CHST9: variants seen among roughly 807,000 people sequenced by gnomAD.
CHST9 encodes the protein GalNAc-4-sulfotransferase 2.
Under a neutral mutation model 44.4 loss-of-function variants are expected in CHST9, and 41 were observed. The observed-to-expected ratio is 0.92, with a 90% CI of 0.72 to 1.20. The LOEUF (loss-of-function observed/expected upper bound fraction) is 1.20. Ranked by LOEUF, CHST9 falls within the 50% of genes most tolerant of loss-of-function variation. CHST9 has a pLI of 0.00. For missense variants in CHST9, 504 were observed against 516.5 expected (o/e 0.98, Z 0.23); for synonymous variants, 171 against 178.4 (o/e 0.96, Z 0.33).
At chr18:27,155,296 T>C (rs754125133) in intron 1 of CHST9, among the ~76,000 whole-genome samples, 43 of 152,148 alleles carry the variant, frequency 2.8e-4, no homozygotes, top group Non-Finnish European at 5.7e-4. Flanking sequence ...GACAGCTACA[T>C]TGTAGGTAAT....
intron 2 of CHST9, among the ~76,000 whole-genome samples, chr18:27,105,824 T>C (rs1171424401): frequency 7.5e-6 from 1 of 133,004 alleles, no homozygotes; most frequent in Non-Finnish European, 1.7e-5. Flanking sequence ...ATCTGTTTTT[T>C]TAAAATTTAA....
At chr18:27,180,836 G>T (rs532906522) in intron 1 of CHST9, among the ~76,000 whole-genome samples, 1 of 151,986 alleles carries the variant, frequency 6.6e-6, no homozygotes, top group East Asian at 1.9e-4. Flanking sequence ...AAGAAGAAAC[G>T]GATTCCTTTA....
chr18:26,985,805 C>T (rs988603619), intron 4 of CHST9, among the ~76,000 whole-genome samples: 2 of 152,138 alleles, frequency 1.3e-5, no homozygotes, highest in African/African-American at 4.8e-5. Context: ...AGTGCCTATT[C>T]CTACCAAATA....
chr18:26,983,626 C>G (rs546598358), intron 4 of CHST9, among the ~76,000 whole-genome samples: 2 of 152,124 alleles, frequency 1.3e-5, no homozygotes, highest in Admixed American at 1.3e-4. Context: ...TCAAGTATTT[C>G]TTTATAGCAA....
In CHST9 at chr18:26,914,685, G is replaced by A. The variant is rs1344893814; in HGVS notation, c.*1574C>T. ...ATGGGACACGGCAGGTGTGTGTAAGGAGCGAAGCAATTCATGAATACTCAG... is the reference window on the plus strand; with the variant it reads ...ATGGGACACGGCAGGTGTGTGTAAGAAGCGAAGCAATTCATGAATACTCAG... On this transcript the variant is annotated 3_prime_UTR_variant, in exon 6 of 6. Transcript: ENST00000618847. The A allele has an allele frequency of 1.7e-5, 6 of 362,060 alleles. No individual in the cohort carries two copies. Among genetic ancestry groups the A allele is most frequent in the African/African-American group, 1.0e-4 (5 of 47,872 alleles). The allele number at this position is 362,060 out of a possible 1,614,324, so 22.4% of individuals were successfully genotyped here.
intron 4 of CHST9, among the ~76,000 whole-genome samples, chr18:26,998,172 T>C (rs544606787): frequency 3.0e-4 from 45 of 152,286 alleles, no homozygotes; most frequent in African/African-American, 1.0e-3. Context: ...ACAGTCTGAC[T>C]TAGCTCTCTC....
chr18:27,122,932 T>C (rs1008663663), intron 2 of CHST9, among the ~76,000 whole-genome samples: 1 of 152,170 alleles, frequency 6.6e-6, no homozygotes, highest in Non-Finnish European at 1.5e-5. Flanking sequence ...ACAACTCCTA[T>C]TATAACTTCC....
At chr18:27,022,451 T>C (rs1384601134) in intron 4 of CHST9, among the ~76,000 whole-genome samples, 1 of 151,962 alleles carries the variant, frequency 6.6e-6, no homozygotes, top group African/African-American at 2.4e-5. Context: ...TTCAACTCTT[T>C]ATGCAAAAGA....
intron 4 of CHST9, among the ~76,000 whole-genome samples, chr18:26,963,940 T>C (rs767343051): frequency 6.6e-6 from 1 of 152,200 alleles, no homozygotes; most frequent in Non-Finnish European, 1.5e-5. Flanking sequence ...GCATTATCTC[T>C]TTCACTTAAC....
intron 1 of CHST9, among the ~76,000 whole-genome samples, chr18:27,170,112 A>G (rs1341791331): frequency 1.3e-5 from 2 of 152,216 alleles, no homozygotes; most frequent in African/African-American, 2.4e-5. Context: ...TGAGAGGAGA[A>G]CACAGAGGGT....
At chr18:27,098,810 G>A (rs11083191) in intron 2 of CHST9, among the ~76,000 whole-genome samples, 51,187 of 150,334 alleles carry the variant, frequency 0.34, 9,104 homozygotes, top group East Asian at 0.49. Context: ...ACTACCAATG[G>A]CATTTTTCAC....
Position 27,053,261 on chromosome 18 carries a change from GGAGA to G in CHST9, c.122-4762_122-4759del, listed in dbSNP as rs1568151177. ...AGAAGAAGAAGAAGAAGAAGAAGAA[GGAGA>G]AGGAGAAGGAGAAGGAGAAGGAGAA... On this transcript the variant is annotated intron_variant, in intron 2 of 5. Coordinates refer to ENST00000618847, the MANE Select transcript of CHST9 (RefSeq NM_031422.6). Among the ~76,000 whole-genome samples the G allele has an allele frequency of 1.3e-3, 78 of 59,820 alleles. 3 individuals are homozygous for G. Among genetic ancestry groups the G allele is most frequent in the African/African-American group, 3.8e-3 (67 of 17,460 alleles). 39.2% of individuals were successfully genotyped at this position (59,820 alleles called of 152,430 possible).
At chr18:26,951,466 C>A (rs1390885082) in intron 4 of CHST9, among the ~76,000 whole-genome samples, 2 of 152,098 alleles carry the variant, frequency 1.3e-5, no homozygotes, top group African/African-American at 2.4e-5. Flanking sequence ...AAAATGCCAA[C>A]ACACAGGAAA....
intron 4 of CHST9, among the ~76,000 whole-genome samples, chr18:27,003,034 C>T (rs1462915136): frequency 3.9e-5 from 6 of 151,994 alleles, no homozygotes; most frequent in Non-Finnish European, 7.4e-5. Flanking sequence ...CCTAGCGCTA[C>T]ATAAATTTAA....
At chr18:27,139,846 C>T (rs1598751057) in intron 2 of CHST9, among the ~76,000 whole-genome samples, 2 of 152,222 alleles carry the variant, frequency 1.3e-5, no homozygotes, top group East Asian at 3.9e-4. Context: ...AAATTATGAA[C>T]TCAAGTTAAG....
intron 1 of CHST9, among the ~76,000 whole-genome samples, chr18:27,169,418 A>C (rs1339103662): frequency 6.6e-6 from 1 of 152,144 alleles, no homozygotes; most frequent in Non-Finnish European, 1.5e-5. Flanking sequence ...AATTGATAGA[A>C]CTATAAGAAA....
At chr18:26,941,286 T>C (rs1338607641) in intron 5 of CHST9, among the ~76,000 whole-genome samples, 1 of 152,178 alleles carries the variant, frequency 6.6e-6, no homozygotes, top group Non-Finnish European at 1.5e-5. Flanking sequence ...CAGAGCCTCA[T>C]ATTCGGTGTT....
intron 2 of CHST9, among the ~76,000 whole-genome samples, chr18:27,128,644 C>T (rs139202903): frequency 5.3e-4 from 81 of 152,272 alleles, no homozygotes; most frequent in African/African-American, 1.8e-3. Flanking sequence ...AGAAGATTGG[C>T]CAGTCCATAT....
chr18:26,920,524 G>A (rs1205537772), intron 5 of CHST9, among the ~76,000 whole-genome samples: 1 of 151,700 alleles, frequency 6.6e-6, no homozygotes, highest in Non-Finnish European at 1.5e-5. Context: ...TACCTCCATT[G>A]CACTAGAATA....
Sources: gnomAD v4.1 joint callset for allele counts (sites outside exome capture counted in the v4.1 genomes callset) on GRCh38, gnomAD v4.1.1 for gene constraint, MANE v1.5 for transcripts, NCBI Gene and HGNC (gene_info 2026-07-23, HGNC 2026-07-21) for gene names.